Variants in USP33 observed in about 807,000 individuals in gnomAD.
USP33 encodes the protein ubiquitin specific peptidase 33, also known as ubiquitin carboxyl-terminal hydrolase 33.
Under a neutral mutation model 124.2 loss-of-function variants are expected in USP33, and 46 were observed. The ratio of observed to expected loss-of-function variants is 0.37; its 90% CI spans 0.29 to 0.47. USP33 has a LOEUF of 0.47. USP33 is among the 20% of genes least tolerant of loss of function. The pLI, the probability that USP33 is intolerant of heterozygous loss-of-function variation, is 0.99. For synonymous variants in USP33, 350 were observed against 352.3 expected, an observed-to-expected ratio of 0.99 and a Z score of 0.07; for missense variants, 851 against 1,070.6, an observed-to-expected ratio of 0.79 and a Z score of 2.86.
chr1:77,759,497 C>T, intron 1 of USP33, 146 bp downstream of exon 1: 1 of 397,068 alleles, frequency 2.5e-6, no homozygotes, highest in Non-Finnish European at 4.4e-6. Context: ...TTCCCGCCCG[C>T]GAACCCGCCG....
At chr1:77,704,140 G>A (rs1055872512) in intron 21 of USP33, among the ~76,000 whole-genome samples, 10 of 152,088 alleles carry the variant, frequency 6.6e-5, no homozygotes, top group African/African-American at 2.4e-4. Context: ...GTATATATGT[G>A]TGTGTGTATG....
At chr1:77,708,559 G>A (rs1203867432) in intron 21 of USP33, among the ~76,000 whole-genome samples, 2 of 152,316 alleles carry the variant, frequency 1.3e-5, no homozygotes, top group East Asian at 3.9e-4. Flanking sequence ...AGCTGAAATC[G>A]TTTCCAAGGG....
At chr1:77,705,026 G>A (rs777212607) in intron 21 of USP33, among the ~76,000 whole-genome samples, 3 of 149,310 alleles carry the variant, frequency 2.0e-5, no homozygotes, top group Non-Finnish European at 4.4e-5. Flanking sequence ...CTGCTTTTTC[G>A]GTTTTTCAGA....
At chr1:77,721,946 A>G in intron 13 of USP33, 21 bp from the exon 14 acceptor site, 1 of 1,602,708 alleles carries the variant, frequency 6.2e-7, no homozygotes. Context: ...ATTGATAGAA[A>G]AAAAAGGAAG....
intron 7 of USP33, among the ~76,000 whole-genome samples, chr1:77,733,300 A>C (rs1181219330): frequency 6.6e-6 from 1 of 152,106 alleles, no homozygotes; most frequent in Non-Finnish European, 1.5e-5. Flanking sequence ...AGGCTGAAGC[A>C]GGAGGATCAC....
At chr1:77,759,610 G>T (rs933028757) in intron 1 of USP33, 33 bp downstream of exon 1, 1 of 398,314 alleles carries the variant, frequency 2.5e-6, no homozygotes, top group African/African-American at 2.1e-5. Flanking sequence ...ACGCCCTTGG[G>T]CCCCGCGCCC....
intron 20 of USP33, among the ~76,000 whole-genome samples, chr1:77,712,321 C>T (rs539713818): frequency 6.6e-6 from 1 of 152,242 alleles, no homozygotes; most frequent in East Asian, 1.9e-4. Flanking sequence ...TCAGGAGTTG[C>T]GAGACCAACC....
intron 1 of USP33, among the ~76,000 whole-genome samples, chr1:77,744,725 G>A (rs1197285621): frequency 6.6e-6 from 1 of 151,986 alleles, no homozygotes; most frequent in Non-Finnish European, 1.5e-5. Flanking sequence ...CGTGCCTATA[G>A]TCCCACCTAC....
At chr1:77,720,713 A>T (rs559673832) in intron 15 of USP33, 1 of 681,298 alleles carries the variant, frequency 1.5e-6, no homozygotes, top group Admixed American at 6.3e-5. Flanking sequence ...ATTGATTACA[A>T]GACAGAAAAA....
At position 77,711,870 on chromosome 1, in the gene USP33, A is replaced by T. The variant is rs1265586412; in HGVS notation, c.2298-15T>A. The stretch of plus-strand genomic sequence containing the variant: ...CTCCACCATACCTAAAGCATGAAAA[A>T]TTTAAGAATTAATGTTCTAGGAAGT... On this transcript the variant is annotated splice_polypyrimidine_tract_variant and intron_variant, in intron 20 of 23. Coordinates refer to ENST00000370794, the MANE Select transcript of USP33 (RefSeq NM_201624.3). 3 of 1,584,078 alleles carry T rather than the reference A, an allele frequency of 1.9e-6. No individual in the cohort carries two copies. In the Admixed American group the frequency reaches 5.9e-5, roughly 31 times the overall value.
At chr1:77,720,642 T>C in intron 15 of USP33, 3 of 983,424 alleles carry the variant, frequency 3.1e-6, no homozygotes, top group Non-Finnish European at 3.6e-6. Flanking sequence ...AAATAGTTGC[T>C]TTTCACCAAG....
chr1:77,725,328 G>A (rs1203847605), intron 11 of USP33, among the ~76,000 whole-genome samples: 1 of 152,124 alleles, frequency 6.6e-6, no homozygotes, highest in Non-Finnish European at 1.5e-5. Context: ...GAATTCTTTG[G>A]GGTGTTAGAG....
intron 11 of USP33, among the ~76,000 whole-genome samples, chr1:77,723,991 C>T (rs1223530591): frequency 1.3e-5 from 2 of 151,816 alleles, no homozygotes; most frequent in African/African-American, 4.8e-5. Flanking sequence ...TATAAATGAT[C>T]CTTGGCCACC....
intron 1 of USP33, among the ~76,000 whole-genome samples, chr1:77,751,953 G>C (rs1021287832): frequency 4.6e-5 from 7 of 152,008 alleles, no homozygotes; most frequent in Non-Finnish European, 8.8e-5. Context: ...CTCCCAAAGT[G>C]CTGGGATTAC....
chr1:77,752,516 T>C (rs1370444350), intron 1 of USP33, among the ~76,000 whole-genome samples: 3 of 152,178 alleles, frequency 2.0e-5, no homozygotes, highest in Admixed American at 6.5e-5. Flanking sequence ...CTGAATTCCA[T>C]TGCCTAGTCT....
chr1:77,736,409 C>T (rs1422162343), intron 5 of USP33, among the ~76,000 whole-genome samples: 2 of 152,092 alleles, frequency 1.3e-5, no homozygotes, highest in Non-Finnish European at 2.9e-5. Flanking sequence ...CTTTTTACAA[C>T]CGAATTTTCT....
chr1:77,748,667 CAAA>C lies in USP33; in HGVS notation c.-51-6922_-51-6920del, dbSNP rs796272242. Among the ~76,000 whole-genome samples the C allele has an allele frequency of 7.1e-5, 6 of 83,966 alleles. No homozygotes were observed. The South Asian group carries it at 1.1e-3, about 16-fold the overall frequency. 55.1% of individuals were successfully genotyped at this position (83,966 alleles called of 152,430 possible). The stretch of plus-strand genomic sequence containing the variant: ...CTGGCGACACAGCGAGACTCCGTCT[CAAA>C]AAAAAAAAAAAAGAAATGGTCTTGA... On this transcript the variant is annotated intron_variant, in intron 1 of 23. Transcript: ENST00000370794.
At chr1:77,713,178 T>C (rs768704529) in intron 20 of USP33, 22 bp downstream of exon 20, 32 of 1,589,892 alleles carry the variant, frequency 2.0e-5, no homozygotes, top group Admixed American at 3.6e-5. Flanking sequence ...CAACACTGTA[T>C]GGTCTGATTT....
intron 5 of USP33, 135 bp from the exon 6 acceptor site, chr1:77,736,293 G>A (rs1032864090): frequency 7.8e-6 from 4 of 514,914 alleles, no homozygotes; most frequent in Non-Finnish European, 1.3e-5. Flanking sequence ...AAGAATTTGT[G>A]GTATTAGCAA....
Sources: allele counts gnomAD v4.1 joint callset (sites outside exome capture counted in the v4.1 genomes callset), GRCh38; gene constraint gnomAD v4.1.1; transcripts MANE v1.5; gene names NCBI Gene and HGNC (gene_info 2026-07-23, HGNC 2026-07-21).